Variants in SRPK2 observed in about 807,000 individuals in gnomAD.
The protein encoded by SRPK2 is SRSF protein kinase 2.
A neutral mutation model predicts 90.8 loss-of-function variants in SRPK2; 21 were observed. The ratio of observed to expected loss-of-function variants is 0.23; its 90% CI spans 0.16 to 0.33. The LOEUF (loss-of-function observed/expected upper bound fraction) is 0.33, where lower values mean the gene tolerates loss of function less well. SRPK2 is among the 10% of genes least tolerant of loss of function. The pLI is 1.00. For missense variants in SRPK2, 620 were observed against 869.0 expected, an observed-to-expected ratio of 0.71 and a Z score of 3.60; for synonymous variants, 288 against 311.1, an observed-to-expected ratio of 0.93 and a Z score of 0.78.
At chr7:105,209,670 A>G (rs1020988347) in intron 2 of SRPK2, among the ~76,000 whole-genome samples, 1 of 152,034 alleles carries the variant, frequency 6.6e-6, no homozygotes, top group African/African-American at 2.4e-5. Context: ...AGCAAAGGAA[A>G]AGGAAAGGAG....
In SRPK2 at chr7:105,169,180, A is replaced by C; in HGVS notation, c.315T>G (p.Thr105=). 6.2e-7 allele frequency: 1 copy of C among 1,613,214 alleles called. No homozygotes were observed. The highest frequency in any genetic ancestry group is 2.2e-5 in the East Asian group (1 of 44,872). The part of the protein sequence containing the change: ...IRKLGWGHFS[T]VWLCWDMQGK... Reference sequence around the variant, plus strand: ...ACTGCATATCCCAGCACAGCCAGACAGTAGAGAAGTGCCCCCATCCAAGCT... The same window carrying C: ...ACTGCATATCCCAGCACAGCCAGACCGTAGAGAAGTGCCCCCATCCAAGCT... The change falls in exon 4 of 16, where the codon ACT becomes ACG. Residue 105 remains threonine, a synonymous_variant. Coordinates refer to ENST00000393651, the MANE Select transcript of SRPK2 (RefSeq NM_182692.3).
intron 2 of SRPK2, among the ~76,000 whole-genome samples, chr7:105,318,858 AG>A (rs1812595413): frequency 6.6e-6 from 1 of 152,244 alleles, no homozygotes; most frequent in African/African-American, 2.4e-5. Context: ...TGGTAATAGC[AG>A]CGAGGTATCA....
chr7:105,199,143 G>T (rs1323373173), intron 3 of SRPK2, among the ~76,000 whole-genome samples: 1 of 152,206 alleles, frequency 6.6e-6, no homozygotes, highest in Non-Finnish European at 1.5e-5. Context: ...AAGTTAAGAT[G>T]TAATCTAGCT....
chr7:105,383,241 T>G (rs953787423), intron 2 of SRPK2, among the ~76,000 whole-genome samples: 1 of 143,248 alleles, frequency 7.0e-6, no homozygotes, highest in Non-Finnish European at 1.5e-5. Context: ...ATTTTTTGTA[T>G]TTTTTTTTTT....
chr7:105,229,661 G>A (rs1376029106), intron 2 of SRPK2, among the ~76,000 whole-genome samples: 1 of 152,232 alleles, frequency 6.6e-6, no homozygotes, highest in African/African-American at 2.4e-5. Context: ...GACTATCATA[G>A]AGTAGGAATA....
chr7:105,374,906 C>A (rs1820116478), intron 2 of SRPK2, among the ~76,000 whole-genome samples: 1 of 151,990 alleles, frequency 6.6e-6, no homozygotes, highest in African/African-American at 2.4e-5. Flanking sequence ...TGCACCCAGC[C>A]AGCCCATGAA....
At chr7:105,174,309 G>A (rs1294590904) in intron 3 of SRPK2, among the ~76,000 whole-genome samples, 1 of 151,772 alleles carries the variant, frequency 6.6e-6, no homozygotes, top group African/African-American at 2.4e-5. Context: ...CAAAGATAAA[G>A]GTTCCCTTTT....
chr7:105,293,686 T>C (rs757147374), intron 2 of SRPK2, among the ~76,000 whole-genome samples: 10 of 152,104 alleles, frequency 6.6e-5, no homozygotes, highest in Non-Finnish European at 1.3e-4. Flanking sequence ...TCCCAAAGGG[T>C]TGGGATTACA....
intron 2 of SRPK2, among the ~76,000 whole-genome samples, chr7:105,347,338 A>G (rs1222466507): frequency 1.3e-5 from 2 of 151,980 alleles, no homozygotes; most frequent in Admixed American, 1.3e-4. Flanking sequence ...CTGGGATTAC[A>G]GGCCACCATG....
intron 2 of SRPK2, among the ~76,000 whole-genome samples, chr7:105,346,144 C>T (rs1816428078): frequency 6.6e-6 from 1 of 152,182 alleles, no homozygotes; most frequent in Non-Finnish European, 1.5e-5. Context: ...CTAAGGTTTT[C>T]TAATCCAGCA....
At chr7:105,183,702 C>A (rs1467233436) in intron 3 of SRPK2, among the ~76,000 whole-genome samples, 1 of 151,954 alleles carries the variant, frequency 6.6e-6, no homozygotes, top group Non-Finnish European at 1.5e-5. Context: ...GTTAGTCAGG[C>A]TGGTCTACAA....
intron 2 of SRPK2, among the ~76,000 whole-genome samples, chr7:105,348,391 A>G (rs1204079): frequency 0.099 from 14,546 of 146,900 alleles, 2,337 homozygotes; most frequent in African/African-American, 0.34. Context: ...ATAAGCCACT[A>G]TTTGGTATAA....
intron 2 of SRPK2, among the ~76,000 whole-genome samples, chr7:105,260,635 A>G (rs1167612006): frequency 2.0e-5 from 3 of 152,190 alleles, no homozygotes; most frequent in Non-Finnish European, 2.9e-5. Flanking sequence ...AACCAACCCA[A>G]ATGTCCATCA....
In SRPK2 at chr7:105,175,493, A is replaced by C. The variant is rs995270765; in HGVS notation, c.230-6228T>G. ...AAATAGCAAACTTAACCCAAAGCAA[A>C]CGGAAGAATGAAAATATAATAATAA... On this transcript the variant is annotated intron_variant, in intron 3 of 15. Transcript: ENST00000393651. Among the ~76,000 whole-genome samples the C allele has an allele frequency of 2.6e-5, 4 of 152,114 alleles. No homozygotes were observed. The East Asian group carries it at 7.7e-4, about 29-fold the overall frequency.
chr7:105,134,090 T>C (rs1215408652), intron 11 of SRPK2, among the ~76,000 whole-genome samples: 1 of 152,184 alleles, frequency 6.6e-6, no homozygotes. Context: ...TTTTATTTAC[T>C]GTATAAGTAA....
chr7:105,276,075 T>C (rs1806443492), intron 2 of SRPK2, among the ~76,000 whole-genome samples: 1 of 132,578 alleles, frequency 7.5e-6, no homozygotes, highest in Non-Finnish European at 1.7e-5. Flanking sequence ...ATGAGGAGGA[T>C]ATATATATAT....
Position 105,146,542 on chromosome 7 carries a change from C to T in SRPK2, c.738G>A (p.Glu246=), listed in dbSNP as rs764641959. The T allele has an allele frequency of 5.6e-6, 9 of 1,614,132 alleles. No individual in the cohort carries two copies. The South Asian group carries it at 9.9e-5, about 18-fold the overall frequency. ...DDAYVRRMAA[E]ATEWQKAGAP... The stretch of plus-strand genomic sequence containing the variant: ...CACCTGCTTTCTGCCACTCAGTGGC[C>T]TCAGCTGCCATTCTTCTCACATATG... Residue 246 remains glutamate (E), a synonymous_variant, in exon 8 of 16, where the codon GAG becomes GAA. Coordinates refer to ENST00000393651, the MANE Select transcript of SRPK2 (RefSeq NM_182692.3).
chr7:105,173,907 T>C (rs993593179), intron 3 of SRPK2, among the ~76,000 whole-genome samples: 3 of 150,120 alleles, frequency 2.0e-5, no homozygotes, highest in South Asian at 2.1e-4. Context: ...ATTTATCAAA[T>C]AGTTGTGTGT....
intron 2 of SRPK2, among the ~76,000 whole-genome samples, chr7:105,288,611 C>T (rs1808502050): frequency 6.6e-6 from 1 of 151,728 alleles, no homozygotes; most frequent in African/African-American, 2.4e-5. Context: ...AAATAAACAA[C>T]AACAAAAAAA....
Sources: allele counts gnomAD v4.1 joint callset (sites outside exome capture counted in the v4.1 genomes callset), GRCh38; gene constraint gnomAD v4.1.1; transcripts MANE v1.5; gene names NCBI Gene and HGNC (gene_info 2026-07-23, HGNC 2026-07-21).